SEMA3A: variants seen among roughly 807,000 people sequenced by gnomAD.
SEMA3A encodes the protein semaphorin 3A.
In SEMA3A, 29 loss-of-function variants were observed where a neutral mutation model predicts 97.9. The observed-to-expected ratio is 0.30, with a 90% CI of 0.22 to 0.40. SEMA3A has a LOEUF of 0.40. SEMA3A is among the 10% of genes least tolerant of loss of function. The pLI, the probability that SEMA3A is intolerant of heterozygous loss-of-function variation, is 1.00. For synonymous variants in SEMA3A, 321 were observed against 323.7 expected (o/e 0.99, Z 0.09); for missense variants, 763 against 951.3 (o/e 0.80, Z 2.60).
intron 12 of SEMA3A, among the ~76,000 whole-genome samples, chr7:83,994,639 G>T (rs1226289116): frequency 6.8e-6 from 1 of 146,918 alleles, no homozygotes; most frequent in Non-Finnish European, 1.5e-5. Flanking sequence ...GGGATCAGGG[G>T]TCAGGGACCC....
In SEMA3A at chr7:84,378,719, A is replaced by AAT. The variant is rs537463462; in HGVS notation, c.-245-6821_-245-6820dup. ...ACTTAAAGTATAATGTTAAAAAAAG[A>AAT]ATATATATATATACAGTGAATTTAG... is the stretch of plus-strand genomic sequence containing the variant. On this transcript the variant is annotated intron_variant, in intron 1 of 3. Coordinates refer to the SEMA3A transcript ENST00000424555. 3.5e-3 allele frequency among the ~76,000 whole-genome samples: 532 copies of AAT among 151,900 alleles called. 1 individual carries two copies. Among genetic ancestry groups the AAT allele is most frequent in the Non-Finnish European group, 5.1e-3 (347 of 67,922 alleles).
rs78084522 is a variant in SEMA3A, at chr7:84,194,578, C to G, written c.9G>C (p.Trp3Cys). ...AGAAAAGACAGACAATCCTAGTTAA[C>G]CAGCCCATGCTGCAGACGCTGTAGG... MGWLTRIVCLFWG... is the reference protein window; with the variant it reads MGCLTRIVCLFWG... The change falls in exon 1 of 17, where the codon TGG becomes TGC. Residue 3 changes from tryptophan to cysteine, a missense_variant. Coordinates refer to ENST00000265362, the MANE Select transcript of SEMA3A (RefSeq NM_006080.3). The G allele has an allele frequency of 2.7e-4, 437 of 1,603,692 alleles. 1 individual carries two copies. In the African/African-American group the frequency reaches 5.0e-3, roughly 18 times the overall value.
intron 3 of SEMA3A, among the ~76,000 whole-genome samples, chr7:84,228,621 A>G (rs147695956): frequency 1.8e-4 from 28 of 152,250 alleles, no homozygotes; most frequent in Non-Finnish European, 3.7e-4. Context: ...GAAAAAAAAC[A>G]TCAATTGAGT....
chr7:84,051,420 C>A (rs1353188914), intron 5 of SEMA3A, among the ~76,000 whole-genome samples: 1 of 152,088 alleles, frequency 6.6e-6, no homozygotes, highest in African/African-American at 2.4e-5. Flanking sequence ...TAAAGAGGTC[C>A]TTCACATCCC....
intron 2 of SEMA3A, among the ~76,000 whole-genome samples, chr7:84,355,702 C>A (rs1802541956): frequency 6.6e-6 from 1 of 151,792 alleles, no homozygotes; most frequent in Admixed American, 6.6e-5. Context: ...GGGCCCACAT[C>A]ATATTGTTCC....
upstream of SEMA3A, among the ~76,000 whole-genome samples, chr7:84,197,730 CTTTTTTTTTTTTTTTTTT>C (rs139403623): frequency 1.4e-5 from 1 of 69,344 alleles, no homozygotes; most frequent in African/African-American, 5.8e-5. Flanking sequence ...AAAGATCACT[CTTTTTTTTTTTTTTTTTT>C]TTTTTTTTTG....
At chr7:84,036,788 A>G (rs1237824005) in intron 6 of SEMA3A, among the ~76,000 whole-genome samples, 1 of 152,096 alleles carries the variant, frequency 6.6e-6, no homozygotes, top group Non-Finnish European at 1.5e-5. Context: ...ACGGACAACC[A>G]TATGGTCAGA....
intron 1 of SEMA3A, among the ~76,000 whole-genome samples, chr7:84,455,345 T>G (rs1240604558): frequency 6.6e-6 from 1 of 152,004 alleles, no homozygotes; most frequent in Non-Finnish European, 1.5e-5. Context: ...ACTTCAATGT[T>G]TATTTTACAA....
At chr7:83,997,813 T>C (rs1261795409) in intron 12 of SEMA3A, among the ~76,000 whole-genome samples, 2 of 151,850 alleles carry the variant, frequency 1.3e-5, no homozygotes, top group Non-Finnish European at 2.9e-5. Context: ...CTTGGCTCAC[T>C]GCAACCTCCA....
chr7:84,256,120 A>G (rs2115636362), intron 3 of SEMA3A, among the ~76,000 whole-genome samples: 1 of 152,210 alleles, frequency 6.6e-6, no homozygotes, highest in South Asian at 2.1e-4. Flanking sequence ...GCTTAAATAC[A>G]TACATAATGC....
chr7:84,451,659 T>C (rs898545130), intron 1 of SEMA3A, among the ~76,000 whole-genome samples: 2 of 152,176 alleles, frequency 1.3e-5, no homozygotes, highest in African/African-American at 4.8e-5. Context: ...ACTTTACAAA[T>C]TGACACGGTT....
intron 4 of SEMA3A, among the ~76,000 whole-genome samples, chr7:84,062,827 G>A (rs987317345): frequency 1.4e-4 from 21 of 149,896 alleles, no homozygotes; most frequent in African/African-American, 2.2e-4. Context: ...CTACAAGGCC[G>A]CAGCGAGGCG....
intron 9 of SEMA3A, among the ~76,000 whole-genome samples, chr7:84,009,698 T>C (rs1790799704): frequency 6.6e-6 from 1 of 152,042 alleles, no homozygotes; most frequent in African/African-American, 2.4e-5. Context: ...AAATAATCTC[T>C]GCTTAATTGA....
At chr7:84,404,522 C>T (rs938730975) in intron 1 of SEMA3A, among the ~76,000 whole-genome samples, 2 of 152,096 alleles carry the variant, frequency 1.3e-5, no homozygotes, top group African/African-American at 4.8e-5. Context: ...GGCCAAAATT[C>T]AAATTCAGGA....
chr7:84,270,129 G>T (rs1368172483), intron 3 of SEMA3A, among the ~76,000 whole-genome samples: 6 of 152,090 alleles, frequency 3.9e-5, no homozygotes, highest in African/African-American at 1.4e-4. Context: ...TTTCTCAAAT[G>T]ATTTACCTGC....
intron 4 of SEMA3A, among the ~76,000 whole-genome samples, chr7:84,105,332 G>T (rs1370802140): frequency 6.6e-6 from 1 of 152,086 alleles, no homozygotes; most frequent in Non-Finnish European, 1.5e-5. Flanking sequence ...TAACATTTTG[G>T]CCTGGGGCAC....
chr7:84,108,137 A>G (rs1795163429), intron 4 of SEMA3A, among the ~76,000 whole-genome samples: 1 of 152,188 alleles, frequency 6.6e-6, no homozygotes. Flanking sequence ...ATTATCCATT[A>G]GACAATGTTT....
At chr7:84,179,653 C>G (rs1264684112) in intron 1 of SEMA3A, among the ~76,000 whole-genome samples, 2 of 152,032 alleles carry the variant, frequency 1.3e-5, no homozygotes, top group African/African-American at 2.4e-5. Context: ...AGAGGCTAAT[C>G]CTATGTTTCT....
intron 2 of SEMA3A, among the ~76,000 whole-genome samples, chr7:84,310,128 C>A (rs549481400): frequency 6.6e-6 from 1 of 152,118 alleles, no homozygotes; most frequent in South Asian, 2.1e-4. Flanking sequence ...TATCTCTATT[C>A]CACATTGACT....
Sources: allele counts gnomAD v4.1 joint callset (sites outside exome capture counted in the v4.1 genomes callset), GRCh38; gene constraint gnomAD v4.1.1; transcripts MANE v1.5; gene names NCBI Gene and HGNC (gene_info 2026-07-23, HGNC 2026-07-21).